The following CFAP77 variants were observed in gnomAD, a reference collection of about 807,000 sequenced individuals.
CFAP77 encodes the protein cilia- and flagella-associated protein 77.
In CFAP77, 25 loss-of-function variants were observed where a neutral mutation model predicts 31.1. That is an observed-to-expected ratio of 0.80 (90% CI 0.59 to 1.12). The LOEUF (loss-of-function observed/expected upper bound fraction) is 1.12. Ranked by LOEUF, CFAP77 falls within the 50% of genes most tolerant of loss-of-function variation. The pLI, the probability that CFAP77 is intolerant of heterozygous loss-of-function variation, is 0.00. For synonymous variants in CFAP77, 151 were observed against 159.9 expected (o/e 0.94, Z 0.42); for missense variants, 377 against 397.3 (o/e 0.95, Z 0.44).
At chr9:132,559,598 A>G (rs1185922450) in intron 5 of CFAP77, among the ~76,000 whole-genome samples, 1 of 152,164 alleles carries the variant, frequency 6.6e-6, no homozygotes, top group African/African-American at 2.4e-5. Context: ...AAAATGGTAC[A>G]GCCAAGTTGG....
At chr9:132,562,223 C>T (rs922204042) in intron 5 of CFAP77, among the ~76,000 whole-genome samples, 1 of 152,178 alleles carries the variant, frequency 6.6e-6, no homozygotes, top group African/African-American at 2.4e-5. Flanking sequence ...CCTCCCTCAC[C>T]CCAGGTCACC....
chr9:132,434,890 C>T (rs765451009), intron 1 of CFAP77, among the ~76,000 whole-genome samples: 3 of 152,094 alleles, frequency 2.0e-5, no homozygotes, highest in Admixed American at 6.6e-5. Flanking sequence ...CTGCCTGGGC[C>T]GCCCAGAGCA....
chr9:132,493,980 T>C (rs574176424), intron 1 of CFAP77, among the ~76,000 whole-genome samples: 3 of 152,156 alleles, frequency 2.0e-5, no homozygotes, highest in South Asian at 4.2e-4. Context: ...GGTTCAATCA[T>C]GGCTCACTGC....
In CFAP77 at chr9:132,473,196, A is replaced by G. The variant is rs566994477; in HGVS notation, c.196-25499A>G. 3.8e-4 allele frequency among the ~76,000 whole-genome samples: 58 copies of G among 152,198 alleles called. 1 individual carries two copies. In the South Asian group the frequency reaches 0.011, roughly 28 times the overall value. On this transcript the variant is annotated intron_variant, in intron 1 of 5. Transcript: ENST00000393216. ...TCGTTCACCCCTAAGGGACGCATTA[A>G]TCTGTTCACGAGGGATCTGCCTCCC...
intron 5 of CFAP77, among the ~76,000 whole-genome samples, chr9:132,549,121 A>G (rs1336732999): frequency 6.6e-6 from 1 of 152,148 alleles, no homozygotes; most frequent in Admixed American, 6.5e-5. Context: ...GCTCTCTTAC[A>G]AATCATAGCT....
Position 132,561,656 on chromosome 9 carries a change from CA to C in CFAP77, c.733-10731del, listed in dbSNP as rs1564253328. ...ACACACACACACACACACACACACA[CA>C]CACACCCCCTCCATGTGTCTCTGGG... On this transcript the variant is annotated intron_variant, in intron 5 of 5. Transcript: ENST00000393216. Among the ~76,000 whole-genome samples the C allele has an allele frequency of 5.8e-3, 499 of 85,424 alleles. 4 individuals are homozygous for C. The highest frequency in any genetic ancestry group is 6.6e-3 in the Non-Finnish European group (308 of 46,430). The allele number at this position is 85,424 out of a possible 152,430, so 56.0% of individuals were successfully genotyped here. A position where few individuals can be genotyped will look rare whatever the true frequency, so the allele number is the denominator to read the frequency against.
In CFAP77 at chr9:132,434,486, C is replaced by T. The variant is rs952797070; in HGVS notation, c.195+24020C>T. ...GAGACTGTCTCCTAGTGAATAGTAGCCTTGGCATTTCTACAAACATCTAGA... is the reference window on the plus strand; with the variant it reads ...GAGACTGTCTCCTAGTGAATAGTAGTCTTGGCATTTCTACAAACATCTAGA... On this transcript the variant is annotated intron_variant, in intron 1 of 5. Coordinates refer to ENST00000393216, the MANE Select transcript of CFAP77 (RefSeq NM_001282957.2). 3.9e-5 allele frequency among the ~76,000 whole-genome samples: 6 copies of T among 152,278 alleles called. No homozygotes were observed. The South Asian group carries it at 6.2e-4, about 16-fold the overall frequency.
chr9:132,456,089 G>C (rs371873731), intron 1 of CFAP77, among the ~76,000 whole-genome samples: 9 of 152,334 alleles, frequency 5.9e-5, no homozygotes, highest in African/African-American at 2.2e-4. Context: ...TGAAGCACCT[G>C]CTGAGTGTCG....
At chr9:132,521,775 T>TG (rs1310949131) in intron 3 of CFAP77, among the ~76,000 whole-genome samples, 15 of 127,900 alleles carry the variant, frequency 1.2e-4, no homozygotes, top group African/African-American at 4.1e-4. Context: ...TTTTTTTTTT[T>TG]TTTTTTTTTG....
At chr9:132,537,281 G>A (rs1367163194) in intron 3 of CFAP77, among the ~76,000 whole-genome samples, 1 of 152,116 alleles carries the variant, frequency 6.6e-6, no homozygotes, top group Admixed American at 6.5e-5. Flanking sequence ...CAACGTAGCG[G>A]GACTCTTGGC....
At chr9:132,557,583 C>G (rs1345107492) in intron 5 of CFAP77, among the ~76,000 whole-genome samples, 1 of 152,028 alleles carries the variant, frequency 6.6e-6, no homozygotes, top group African/African-American at 2.4e-5. Context: ...CCTCCTTTTG[C>G]TCTACACCTG....
chr9:132,445,163 AG>A, intron 1 of CFAP77, among the ~76,000 whole-genome samples: 1 of 151,896 alleles, frequency 6.6e-6, no homozygotes, highest in East Asian at 1.9e-4. Context: ...TAGTAGACAC[AG>A]GGTTTTGCCA....
intron 1 of CFAP77, among the ~76,000 whole-genome samples, chr9:132,468,661 C>T (rs1253462865): frequency 1.3e-5 from 2 of 152,192 alleles, no homozygotes; most frequent in Non-Finnish European, 2.9e-5. Flanking sequence ...CCTGTGATGT[C>T]TGTCTTTCCA....
In CFAP77 at chr9:132,410,335, C is replaced by A. The variant is rs758714879; in HGVS notation, c.64C>A (p.Arg22Ser). The A allele has an allele frequency of 7.9e-5, 127 of 1,598,126 alleles. No individual in the cohort carries two copies. The highest frequency in any genetic ancestry group is 1.1e-4 in the Non-Finnish European group (125 of 1,173,690). Reference protein sequence around the residue: ...TRWRKQQQPVRRTVSQVCPPP... With the variant: ...TRWRKQQQPVSRTVSQVCPPP... ...ATGGAGGAAGCAGCAGCAGCCTGTG[C>A]GCCGCACGGTCAGCCAGGTCTGCCC... Residue 22 changes from arginine (R) to serine (S), a missense_variant, in exon 1 of 6, where the codon CGC becomes AGC. Coordinates refer to ENST00000393216, the MANE Select transcript of CFAP77 (RefSeq NM_001282957.2).
intron 5 of CFAP77, among the ~76,000 whole-genome samples, chr9:132,546,777 G>A (rs1038042850): frequency 2.6e-5 from 4 of 152,248 alleles, no homozygotes; most frequent in Admixed American, 2.0e-4. Context: ...CCCAGAAGGG[G>A]GTTCTGCCAG....
At chr9:132,493,055 C>T (rs150174241) in intron 1 of CFAP77, among the ~76,000 whole-genome samples, 18 of 152,246 alleles carry the variant, frequency 1.2e-4, no homozygotes, top group African/African-American at 4.1e-4. Flanking sequence ...CACAAAGCCC[C>T]GTGGGTGGCC....
chr9:132,466,959 C>G (rs1482081490), intron 1 of CFAP77, among the ~76,000 whole-genome samples: 1 of 152,138 alleles, frequency 6.6e-6, no homozygotes, highest in Non-Finnish European at 1.5e-5. Context: ...GGGTGGATCA[C>G]CTGAGGTCAG....
chr9:132,547,747 C>A (rs1325169179), intron 5 of CFAP77, among the ~76,000 whole-genome samples: 1 of 152,194 alleles, frequency 6.6e-6, no homozygotes, highest in Non-Finnish European at 1.5e-5. Flanking sequence ...GAGACACCAA[C>A]CTTGCTTGAA....
intron 1 of CFAP77, among the ~76,000 whole-genome samples, chr9:132,441,539 A>G (rs1325424834): frequency 6.6e-6 from 1 of 152,184 alleles, no homozygotes; most frequent in East Asian, 1.9e-4. Context: ...CGCCAACCAC[A>G]CATAAGAAAA....
Sources: allele counts gnomAD v4.1 joint callset (sites outside exome capture counted in the v4.1 genomes callset), GRCh38; gene constraint gnomAD v4.1.1; transcripts MANE v1.5; gene names NCBI Gene and HGNC (gene_info 2026-07-23, HGNC 2026-07-21).